The following GALNT9 variants were observed in gnomAD, a reference collection of about 807,000 sequenced individuals.
The protein encoded by GALNT9 is GalNAc transferase 9.
In GALNT9, 47 loss-of-function variants were observed where a neutral mutation model predicts 63.1. The ratio of observed to expected loss-of-function variants is 0.75; its 90% CI spans 0.59 to 0.95. The LOEUF (loss-of-function observed/expected upper bound fraction) is 0.95. GALNT9 is among the 40% of genes least tolerant of loss of function. The pLI is 0.00. For synonymous variants in GALNT9, 396 were observed against 365.7 expected (o/e 1.08, Z -0.94); for missense variants, 829 against 874.8 (o/e 0.95, Z 0.66).
At chr12:132,287,764 A>G (rs1460005895) in intron 1 of GALNT9, among the ~76,000 whole-genome samples, 1 of 152,124 alleles carries the variant, frequency 6.6e-6, no homozygotes, top group African/African-American at 2.4e-5. Context: ...GGGCCGGGCC[A>G]GGGAAAGTTC....
rs551069423 is a variant in GALNT9, at chr12:132,293,875, G to A, written c.239-7445C>T. On this transcript the variant is annotated intron_variant, in intron 1 of 10. Transcript: ENST00000328957. ...TCAGGGCCAGAACGAGAAGCCGGGGGATCCCGTATACAGTCGGGGCCAGAA... is the reference window on the plus strand; with the variant it reads ...TCAGGGCCAGAACGAGAAGCCGGGGAATCCCGTATACAGTCGGGGCCAGAA... Among the ~76,000 whole-genome samples the A allele has an allele frequency of 3.9e-5, 6 of 152,188 alleles. No individual in the cohort carries two copies. In the East Asian group the frequency reaches 1.2e-3, roughly 29 times the overall value.
intron 2 of GALNT9, among the ~76,000 whole-genome samples, chr12:132,264,592 G>A (rs1043232794): frequency 3.9e-5 from 6 of 152,224 alleles, no homozygotes; most frequent in African/African-American, 1.2e-4. Context: ...CTGTGTCCCC[G>A]CAGGTCCAAA....
At position 132,282,209 on chromosome 12, in the gene GALNT9, G is replaced by A. The variant is rs1456482861; in HGVS notation, c.419+4041C>T. Reference sequence around the variant, plus strand: ...GGGGGTCCCTGATCCCACAGAAGAGGAATCAGCTCCACTGCAGCAAGGCCA... The same window carrying A: ...GGGGGTCCCTGATCCCACAGAAGAGAAATCAGCTCCACTGCAGCAAGGCCA... On this transcript the variant is annotated intron_variant, in intron 2 of 10. Transcript: ENST00000328957. This position sits in a 1 kb window ranked among gnomAD's most constrained non-coding sequence, Gnocchi z 4.5. 7.0e-6 allele frequency among the ~76,000 whole-genome samples: 1 copy of A among 143,350 alleles called. No homozygotes were observed. Among genetic ancestry groups the A allele is most frequent in the Non-Finnish European group, 1.5e-5 (1 of 66,896 alleles). 94.0% of individuals were successfully genotyped at this position (143,350 alleles called of 152,430 possible). A position where few individuals can be genotyped will look rare whatever the true frequency, so the allele number is the denominator to read the frequency against.
chr12:132,242,399 C>T (rs2136903484), intron 6 of GALNT9, among the ~76,000 whole-genome samples: 12 of 15,064 alleles, frequency 8.0e-4, no homozygotes, highest in Non-Finnish European at 4.2e-4. Flanking sequence ...TCCCGGGGCC[C>T]TCCCTATACC....
chr12:132,317,821 G>C (rs569041602), intron 1 of GALNT9, among the ~76,000 whole-genome samples: 2 of 152,178 alleles, frequency 1.3e-5, no homozygotes, highest in African/African-American at 4.8e-5. Context: ...GGCTGCACAG[G>C]GGCTGCTGGG....
At chr12:132,216,568 G>A (rs557321100) in intron 6 of GALNT9, among the ~76,000 whole-genome samples, 17 of 152,344 alleles carry the variant, frequency 1.1e-4, no homozygotes, top group African/African-American at 2.6e-4. Context: ...ACAGGCAGGC[G>A]GCACTGAGTG....
chr12:132,267,604 CAAGTT>C lies in GALNT9; in HGVS notation c.420-4984_420-4980del, dbSNP rs374095642. 1.5e-3 allele frequency among the ~76,000 whole-genome samples: 221 copies of C among 152,346 alleles called. 1 individual carries two copies. Among genetic ancestry groups the C allele is most frequent in the African/African-American group, 5.1e-3 (214 of 41,578 alleles). Reference sequence around the variant, plus strand: ...CCAAGCGGGAGGACTCACACCACCTCAAGTTAAGACTGATTTTAGTACCACAGCCA... The same window carrying C: ...CCAAGCGGGAGGACTCACACCACCTCAAGACTGATTTTAGTACCACAGCCA... On this transcript the variant is annotated intron_variant, in intron 2 of 10. Coordinates refer to ENST00000328957, the MANE Select transcript of GALNT9 (RefSeq NM_001122636.2).
rs770293402 is a variant in GALNT9 at position 132,203,606 on chromosome 12, CGTT to C, written c.1159_1161del (p.Asn387del). ...TTGCGCTTGGCATAGTAGTCAATGT[CGTT>C]GTTGTAGGGCTTCCTGGTGCGCTCG... On this transcript the variant is annotated inframe_deletion, in exon 7 of 11. Coordinates refer to ENST00000328957, the MANE Select transcript of GALNT9 (RefSeq NM_001122636.2). 30 of 1,613,778 alleles carry C rather than the reference CGTT, an allele frequency of 1.9e-5. No homozygotes were observed. Among genetic ancestry groups the C allele is most frequent in the South Asian group, 3.3e-5 (3 of 91,082 alleles).
chr12:132,268,782 G>GC (rs1212140079), intron 2 of GALNT9, among the ~76,000 whole-genome samples: 1 of 152,156 alleles, frequency 6.6e-6, no homozygotes, highest in Non-Finnish European at 1.5e-5. Flanking sequence ...GTGCGCAGGT[G>GC]CCCCCCTCGG....
intron 1 of GALNT9, among the ~76,000 whole-genome samples, chr12:132,298,607 C>A (rs539777053): frequency 1.3e-5 from 2 of 150,040 alleles, no homozygotes; most frequent in East Asian, 4.0e-4. Flanking sequence ...TCCCACCACA[C>A]CTAACCCATC....
intron 1 of GALNT9, among the ~76,000 whole-genome samples, chr12:132,326,070 G>C (rs1806516918): frequency 6.6e-6 from 1 of 152,270 alleles, no homozygotes; most frequent in Non-Finnish European, 1.5e-5. Context: ...CAAGCGCCTA[G>C]AGAAAGTGGG....
chr12:132,289,940 G>C lies in GALNT9; in HGVS notation c.239-3510C>G, dbSNP rs28693604. ...AGGGGTCCTGAGCCCAGCACTGGGC[G>C]TGCACTGGGGGTGAAGGAACTTTTG... On this transcript the variant is annotated intron_variant, in intron 1 of 10. Transcript: ENST00000328957. Among the ~76,000 whole-genome samples, 457 of 152,228 alleles carry C rather than the reference G, an allele frequency of 3.0e-3. 6 individuals are homozygous for C. The highest frequency in any genetic ancestry group is 0.01 in the African/African-American group (433 of 41,516).
chr12:132,295,159 G>A (rs1471770068), intron 1 of GALNT9, among the ~76,000 whole-genome samples: 7 of 152,238 alleles, frequency 4.6e-5, no homozygotes, highest in Non-Finnish European at 1.0e-4. Context: ...GGGGCCTCCA[G>A]CCTGGGAAGC....
rs549678048 is a variant in GALNT9 at position 132,324,285 on chromosome 12, C to T, written c.238+4681G>A. On this transcript the variant is annotated intron_variant, in intron 1 of 10. Coordinates refer to ENST00000328957, the MANE Select transcript of GALNT9 (RefSeq NM_001122636.2). ...GCCGCAGGACATTCCGAGACGCACGCGTGGCGGCAGCCAGGCATTGCCCGG... is the reference window on the plus strand; with the variant it reads ...GCCGCAGGACATTCCGAGACGCACGTGTGGCGGCAGCCAGGCATTGCCCGG... Among the ~76,000 whole-genome samples the T allele has an allele frequency of 1.4e-4, 21 of 152,300 alleles. No individual in the cohort carries two copies. The South Asian group carries it at 4.3e-3, about 32-fold the overall frequency.
At chr12:132,207,276 C>T (rs757840587) in intron 6 of GALNT9, among the ~76,000 whole-genome samples, 4 of 152,182 alleles carry the variant, frequency 2.6e-5, no homozygotes, top group Non-Finnish European at 4.4e-5. Flanking sequence ...GGGTTTCTGT[C>T]GCTTCTGCTC....
chr12:132,260,012 A>T (rs61943925), intron 4 of GALNT9, among the ~76,000 whole-genome samples: 19 of 73,650 alleles, frequency 2.6e-4, no homozygotes, highest in South Asian at 1.2e-3. Flanking sequence ...ACACACCCTG[A>T]GCATTGTGGG....
chr12:132,201,159 T>C lies in GALNT9; in HGVS notation c.1366A>G (p.Met456Val). 1 of 1,613,448 alleles carries C rather than the reference T, an allele frequency of 6.2e-7. No individual in the cohort carries two copies. Among genetic ancestry groups the C allele is most frequent in the Non-Finnish European group, 8.5e-7 (1 of 1,179,702 alleles). The change falls in exon 8 of 11, where the codon ATG becomes GTG. Residue 456 changes from methionine (M) to valine (V), a missense_variant. By Grantham distance (21) the Met-to-Val change is conservative. Transcript: ENST00000328957. Reference protein sequence around the residue: ...KWYLENVYPEMRVYNNTLTYG... With the variant: ...KWYLENVYPEVRVYNNTLTYG... ...GTGAGGGTGTTGTTGTAGACCCTCATCTCCGGGTACACGTTCTCCAGGTAC... is the reference window on the plus strand; with the variant it reads ...GTGAGGGTGTTGTTGTAGACCCTCACCTCCGGGTACACGTTCTCCAGGTAC...
chr12:132,278,257 G>A (rs1380989670), intron 2 of GALNT9: 4 of 152,200 alleles, frequency 2.6e-5, no homozygotes, highest in African/African-American at 9.6e-5. Flanking sequence ...GCACTCTCTG[G>A]GTATGTCTCA....
intron 1 of GALNT9, among the ~76,000 whole-genome samples, chr12:132,305,287 G>A (rs367906971): frequency 2.5e-5 from 1 of 39,720 alleles, no homozygotes. Flanking sequence ...ACCCTCGCCC[G>A]GACACGCCCT....
Sources: gnomAD v4.1 joint callset for allele counts (sites outside exome capture counted in the v4.1 genomes callset) on GRCh38, gnomAD v4.1.1 for gene constraint, Gnocchi (gnomAD v3.1) non-coding constraint, MANE v1.5 for transcripts, NCBI Gene and HGNC (gene_info 2026-07-23, HGNC 2026-07-21) for gene names.